The following SPOCK1 variants were observed in gnomAD, a reference collection of about 807,000 sequenced individuals.
SPOCK1 encodes SPARC (osteonectin), cwcv and kazal like domains proteoglycan 1, also known as testican-1.
Under a neutral mutation model 55.3 loss-of-function variants are expected in SPOCK1, and 23 were observed. That is an observed-to-expected ratio of 0.42 (90% CI 0.30 to 0.59). SPOCK1 has a LOEUF of 0.59. SPOCK1 is among the 20% of genes least tolerant of loss of function. SPOCK1 has a pLI of 0.22. For missense variants in SPOCK1, 499 were observed against 552.5 expected, an observed-to-expected ratio of 0.90 and a Z score of 0.97; for synonymous variants, 226 against 221.0, an observed-to-expected ratio of 1.02 and a Z score of -0.20.
At chr5:137,426,408 C>T (rs1221893637) in intron 2 of SPOCK1, among the ~76,000 whole-genome samples, 6 of 152,174 alleles carry the variant, frequency 3.9e-5, no homozygotes, top group South Asian at 4.1e-4. Flanking sequence ...TACTCAGGTA[C>T]GGTATACTCT....
chr5:137,137,714 C>T (rs1256398892), intron 4 of SPOCK1, among the ~76,000 whole-genome samples: 3 of 152,200 alleles, frequency 2.0e-5, no homozygotes, highest in Non-Finnish European at 4.4e-5. Flanking sequence ...CATCCTCACG[C>T]TAAACCTCAA....
chr5:137,351,910 C>T (rs1750688926), intron 2 of SPOCK1, among the ~76,000 whole-genome samples: 1 of 152,214 alleles, frequency 6.6e-6, no homozygotes, highest in South Asian at 2.1e-4. Context: ...CAGCCTTGCT[C>T]TAGATGGCAC....
rs567528661 is a variant in SPOCK1, at chr5:137,370,213, G to A, written c.187-103158C>T. On this transcript the variant is annotated intron_variant, in intron 2 of 10. Coordinates refer to ENST00000394945, the MANE Select transcript of SPOCK1 (RefSeq NM_004598.4). ...CCTCTGCCGAGCCAGAGCATGACTC[G>A]GAATTGAACTTTTTCCCTCCAGGGG... Among the ~76,000 whole-genome samples the A allele has an allele frequency of 8.3e-4, 127 of 152,144 alleles. 1 individual carries two copies. Among genetic ancestry groups the A allele is most frequent in the African/African-American group, 2.9e-3 (122 of 41,476 alleles).
At chr5:137,279,497 A>G (rs1359116124) in intron 2 of SPOCK1, among the ~76,000 whole-genome samples, 3 of 152,206 alleles carry the variant, frequency 2.0e-5, no homozygotes, top group Non-Finnish European at 4.4e-5. Flanking sequence ...CATTGCATTC[A>G]GGGGATCTGG....
intron 3 of SPOCK1, among the ~76,000 whole-genome samples, chr5:137,163,552 T>C (rs1580784985): frequency 1.3e-5 from 2 of 152,242 alleles, no homozygotes; most frequent in African/African-American, 4.8e-5. Context: ...TACAAATGTA[T>C]GTGCAGGATG....
chr5:137,450,949 C>T (rs2149834734), intron 2 of SPOCK1, among the ~76,000 whole-genome samples: 2 of 152,282 alleles, frequency 1.3e-5, no homozygotes, highest in East Asian at 3.9e-4. Flanking sequence ...GCTCATCTTC[C>T]CTGCCCACCC....
chr5:137,306,445 C>T (rs992260626), intron 2 of SPOCK1, among the ~76,000 whole-genome samples: 1 of 152,128 alleles, frequency 6.6e-6, no homozygotes, highest in African/African-American at 2.4e-5. Context: ...TTGAGGGGAG[C>T]AGTATGACAA....
At chr5:137,137,961 C>T (rs560240257) in intron 4 of SPOCK1, among the ~76,000 whole-genome samples, 1 of 152,132 alleles carries the variant, frequency 6.6e-6, no homozygotes, top group African/African-American at 2.4e-5. Flanking sequence ...TTATTGAACA[C>T]TCAAACACAC....
At chr5:137,362,736 C>A (rs1044198882) in intron 2 of SPOCK1, among the ~76,000 whole-genome samples, 1 of 152,178 alleles carries the variant, frequency 6.6e-6, no homozygotes, top group African/African-American at 2.4e-5. Context: ...ATAGATAATA[C>A]ATGAAAGAAT....
At chr5:137,304,502 G>A (rs115906177) in intron 2 of SPOCK1, among the ~76,000 whole-genome samples, 2 of 152,304 alleles carry the variant, frequency 1.3e-5, no homozygotes, top group African/African-American at 4.8e-5. Context: ...CGGGGGGACA[G>A]GAACTGCAGA....
chr5:137,233,511 C>A (rs1388627004), intron 3 of SPOCK1, among the ~76,000 whole-genome samples: 1 of 152,046 alleles, frequency 6.6e-6, no homozygotes, highest in Non-Finnish European at 1.5e-5. Flanking sequence ...TAAAGCTCTG[C>A]TTGCTCACCT....
chr5:137,002,985 G>C (rs891877588), intron 6 of SPOCK1, among the ~76,000 whole-genome samples: 4 of 152,184 alleles, frequency 2.6e-5, no homozygotes, highest in Non-Finnish European at 5.9e-5. Context: ...CTCATACGCA[G>C]GGAGGACTTA....
rs1167625967 is a variant in SPOCK1, at chr5:137,074,904, CG to C, written c.475-7076del. ...ATTTTTAGTAGAGACGGGGTTTCAC[CG>C]TGTTAGCCAGGATGGTCTCGATCTC... On this transcript the variant is annotated intron_variant, in intron 5 of 10. Transcript: ENST00000394945. Among the ~76,000 whole-genome samples the C allele has an allele frequency of 2.0e-5, 3 of 152,088 alleles. No individual in the cohort carries two copies. In the East Asian group the frequency reaches 5.8e-4, roughly 29 times the overall value.
intron 4 of SPOCK1, among the ~76,000 whole-genome samples, chr5:137,134,464 C>A (rs1194333110): frequency 6.6e-6 from 1 of 152,166 alleles, no homozygotes; most frequent in Non-Finnish European, 1.5e-5. Flanking sequence ...TCACTGGCAC[C>A]CTATCCAGAC....
intron 5 of SPOCK1, among the ~76,000 whole-genome samples, chr5:137,094,393 T>C (rs1369555305): frequency 1.3e-5 from 2 of 152,214 alleles, no homozygotes; most frequent in Non-Finnish European, 2.9e-5. Flanking sequence ...ACTTCAGAAG[T>C]ATTGTGGGTT....
chr5:137,226,401 T>G (rs1379180538), intron 3 of SPOCK1, among the ~76,000 whole-genome samples: 1 of 152,240 alleles, frequency 6.6e-6, no homozygotes, highest in Non-Finnish European at 1.5e-5. Context: ...TGAAGCATCA[T>G]GCTGCAAAGG....
chr5:136,998,185 A>G (rs1245011460), intron 6 of SPOCK1, among the ~76,000 whole-genome samples: 1 of 152,148 alleles, frequency 6.6e-6, no homozygotes, highest in Non-Finnish European at 1.5e-5. Flanking sequence ...TGCGTTTTTT[A>G]AGCCTGAGGA....
At chr5:137,100,254 G>A (rs569164374) in intron 5 of SPOCK1, among the ~76,000 whole-genome samples, 13 of 152,074 alleles carry the variant, frequency 8.5e-5, no homozygotes, top group Non-Finnish European at 1.5e-5. Flanking sequence ...TTTTTTGTAG[G>A]GCTAGATGTG....
At chr5:137,482,700 G>A (rs1326232011) in intron 2 of SPOCK1, among the ~76,000 whole-genome samples, 1 of 152,200 alleles carries the variant, frequency 6.6e-6, no homozygotes, top group East Asian at 1.9e-4. Flanking sequence ...TGAAAAAGAA[G>A]CAAGCTGTGA....
Sources: gnomAD v4.1 joint callset for allele counts (sites outside exome capture counted in the v4.1 genomes callset) on GRCh38, gnomAD v4.1.1 for gene constraint, MANE v1.5 for transcripts, NCBI Gene and HGNC (gene_info 2026-07-23, HGNC 2026-07-21) for gene names.